CWC27: variants seen among roughly 807,000 people sequenced by gnomAD.
The protein encoded by CWC27 is CWC27 spliceosome associated cyclophilin.
CWC27 carries 47 observed loss-of-function variants against 63.6 expected under a neutral mutation model. That is an observed-to-expected ratio of 0.74 (90% CI 0.58 to 0.94). The LOEUF (loss-of-function observed/expected upper bound fraction) is 0.94, where lower values mean the gene tolerates loss of function less well. Ranked by LOEUF, CWC27 falls within the 40% of genes least tolerant of loss-of-function variation. The pLI, the probability that CWC27 is intolerant of heterozygous loss-of-function variation, is 0.00. For missense variants in CWC27, 495 were observed against 554.3 expected (o/e 0.89, Z 1.07); for synonymous variants, 175 against 179.8 (o/e 0.97, Z 0.22).
chr5:64,912,084 A>G (rs1442059697), intron 11 of CWC27, among the ~76,000 whole-genome samples: 1 of 129,920 alleles, frequency 7.7e-6, no homozygotes, highest in Non-Finnish European at 1.5e-5. Flanking sequence ...AAAAAAAAAA[A>G]AAAAAAAGAA....
At chr5:64,844,743 G>A (rs1745931176) in intron 10 of CWC27, among the ~76,000 whole-genome samples, 1 of 152,218 alleles carries the variant, frequency 6.6e-6, no homozygotes, top group Non-Finnish European at 1.5e-5. Context: ...TGCATAGGCA[G>A]GGAGATTTCC....
At chr5:64,831,311 C>G (rs1405765203) in intron 10 of CWC27, among the ~76,000 whole-genome samples, 2 of 151,752 alleles carry the variant, frequency 1.3e-5, no homozygotes, top group Non-Finnish European at 2.9e-5. Flanking sequence ...AGTTGAAAAT[C>G]CCTACTTTCC....
In CWC27 at chr5:64,917,122, GAC is replaced by G. The variant is rs1353766187; in HGVS notation, c.1042+31577_1042+31578del. ...TGTGTTCTCATTCCTCTACAAAACTGACTGTGTTCTCTAATAACTATATGATG... is the reference window on the plus strand; with the variant it reads ...TGTGTTCTCATTCCTCTACAAAACTGTGTGTTCTCTAATAACTATATGATG... On this transcript the variant is annotated intron_variant, in intron 11 of 13. Coordinates refer to ENST00000381070, the MANE Select transcript of CWC27 (RefSeq NM_005869.4). 2.0e-5 allele frequency among the ~76,000 whole-genome samples: 3 copies of G among 152,228 alleles called. No homozygotes were observed. In the East Asian group the frequency reaches 5.8e-4, roughly 29 times the overall value.
chr5:64,813,360 C>T lies in CWC27; in HGVS notation c.938+8974C>T, dbSNP rs144960685. On this transcript the variant is annotated intron_variant, in intron 10 of 13. Coordinates refer to ENST00000381070, the MANE Select transcript of CWC27 (RefSeq NM_005869.4). ...TCAGTTCATTGAGAACCAGTTAATC[C>T]GTATCCAAGGAATCACCTTCAAAAC... Among the ~76,000 whole-genome samples the T allele has an allele frequency of 1.6e-3, 250 of 152,140 alleles. 1 individual carries two copies. The highest frequency in any genetic ancestry group is 5.9e-3 in the African/African-American group (243 of 41,510).
chr5:64,923,713 C>T (rs1335326677), intron 11 of CWC27, among the ~76,000 whole-genome samples: 3 of 150,478 alleles, frequency 2.0e-5, no homozygotes, highest in Non-Finnish European at 3.0e-5. Flanking sequence ...AAAAGACTTC[C>T]GTGAGGTCAC....
chr5:64,823,754 G>A (rs544472150), intron 10 of CWC27, among the ~76,000 whole-genome samples: 27 of 152,298 alleles, frequency 1.8e-4, no homozygotes, highest in Non-Finnish European at 1.5e-4. Flanking sequence ...CTGAAGGTGC[G>A]TTTTAAGGCA....
At chr5:64,992,194 C>T in intron 13 of CWC27, among the ~76,000 whole-genome samples, 1 of 152,202 alleles carries the variant, frequency 6.6e-6, no homozygotes, top group East Asian at 1.9e-4. Flanking sequence ...AACTTAGGGA[C>T]TAGCTGTCGC....
chr5:64,897,483 G>A (rs2112359204), intron 11 of CWC27, among the ~76,000 whole-genome samples: 1 of 152,246 alleles, frequency 6.6e-6, no homozygotes, highest in East Asian at 1.9e-4. Flanking sequence ...ACTGTCACAA[G>A]GACAGAAAAC....
chr5:64,825,122 A>G (rs901059535), intron 10 of CWC27, among the ~76,000 whole-genome samples: 2 of 152,184 alleles, frequency 1.3e-5, no homozygotes, highest in African/African-American at 4.8e-5. Context: ...GCAAGTAGGT[A>G]TAATGGCATG....
chr5:64,989,518 A>G (rs1749495958), intron 13 of CWC27, among the ~76,000 whole-genome samples: 1 of 152,258 alleles, frequency 6.6e-6, no homozygotes, highest in Admixed American at 6.5e-5. Flanking sequence ...GTGCCTTGAT[A>G]TGGTTCACCA....
At chr5:64,877,786 A>G (rs1296029944) in intron 10 of CWC27, among the ~76,000 whole-genome samples, 1 of 151,994 alleles carries the variant, frequency 6.6e-6, no homozygotes, top group Non-Finnish European at 1.5e-5. Context: ...TAGCAGGTTG[A>G]GTGAAAACTG....
intron 10 of CWC27, among the ~76,000 whole-genome samples, chr5:64,865,747 T>C (rs1403934038): frequency 1.3e-5 from 2 of 152,064 alleles, no homozygotes; most frequent in Admixed American, 6.6e-5. Flanking sequence ...TATTCTGGGC[T>C]CTAACAGCCA....
chr5:64,967,168 G>C (rs1451915518), intron 11 of CWC27, among the ~76,000 whole-genome samples: 1 of 151,918 alleles, frequency 6.6e-6, no homozygotes, highest in East Asian at 1.9e-4. Context: ...TCCTGTTTCT[G>C]AAATACTAAT....
chr5:64,858,502 G>A (rs1746317124), intron 10 of CWC27, among the ~76,000 whole-genome samples: 1 of 147,890 alleles, frequency 6.8e-6, no homozygotes, highest in Admixed American at 6.7e-5. Flanking sequence ...ATAATAGGAA[G>A]CCACAGATTC....
intron 7 of CWC27, among the ~76,000 whole-genome samples, chr5:64,790,383 T>C (rs970538424): frequency 1.2e-4 from 18 of 152,214 alleles, no homozygotes; most frequent in Admixed American, 3.3e-4. Flanking sequence ...TGCACTAGTC[T>C]TGCATTGTTT....
chr5:64,870,248 T>C (rs1034266429), intron 10 of CWC27, among the ~76,000 whole-genome samples: 3 of 152,116 alleles, frequency 2.0e-5, no homozygotes, highest in Non-Finnish European at 2.9e-5. Context: ...TAAGAAACCT[T>C]TTTAAAAGTC....
intron 9 of CWC27, among the ~76,000 whole-genome samples, chr5:64,801,535 GTA>G (rs771745197): frequency 1.3e-5 from 2 of 151,988 alleles, no homozygotes; most frequent in Non-Finnish European, 2.9e-5. Context: ...GTGTGTGTGT[GTA>G]TATCTCTCTA....
chr5:64,835,775 T>G (rs1460166562), intron 10 of CWC27, among the ~76,000 whole-genome samples: 4 of 151,908 alleles, frequency 2.6e-5, no homozygotes, highest in Non-Finnish European at 5.9e-5. Context: ...TTTTGTTTTA[T>G]ATCTTCATGT....
chr5:64,850,490 A>G (rs917222573), intron 10 of CWC27, among the ~76,000 whole-genome samples: 10 of 152,304 alleles, frequency 6.6e-5, no homozygotes, highest in Admixed American at 4.6e-4. Flanking sequence ...ACATAGGGGG[A>G]AAATGACATA....
Sources: allele counts gnomAD v4.1 joint callset (sites outside exome capture counted in the v4.1 genomes callset), GRCh38; gene constraint gnomAD v4.1.1; transcripts MANE v1.5; gene names NCBI Gene and HGNC (gene_info 2026-07-23, HGNC 2026-07-21).